The following SPINK9 variants were observed in gnomAD, a reference collection of about 807,000 sequenced individuals.
SPINK9 encodes the protein serine peptidase inhibitor Kazal type 9.
Under a neutral mutation model 10.8 loss-of-function variants are expected in SPINK9, and 3 were observed. The ratio of observed to expected loss-of-function variants is 0.28; its 90% CI spans 0.13 to 0.72. The LOEUF is 0.72. Ranked by LOEUF, SPINK9 falls within the 30% of genes least tolerant of loss-of-function variation. SPINK9 has a pLI of 0.74. For missense variants in SPINK9, 101 were observed against 103.2 expected (o/e 0.98, Z 0.09); for synonymous variants, 30 against 31.2 (o/e 0.96, Z 0.12).
chr5:148,328,415 G>A (rs2113414140), intron 2 of SPINK9, among the ~76,000 whole-genome samples: 1 of 152,268 alleles, frequency 6.6e-6, no homozygotes, highest in Non-Finnish European at 1.5e-5. Flanking sequence ...GAGATGATGG[G>A]ATTTTCTAGA....
chr5:148,329,303 A>G (rs1022835953), intron 2 of SPINK9, among the ~76,000 whole-genome samples: 4 of 152,148 alleles, frequency 2.6e-5, no homozygotes, highest in African/African-American at 4.8e-5. Flanking sequence ...AGAGGTGTTT[A>G]TAGTATTCTC....
At chr5:148,328,932 A>G (rs1239295566) in intron 2 of SPINK9, among the ~76,000 whole-genome samples, 6 of 152,272 alleles carry the variant, frequency 3.9e-5, no homozygotes, top group African/African-American at 1.4e-4. Context: ...TTTTTGCATC[A>G]ATGTTCATCA....
intron 2 of SPINK9, among the ~76,000 whole-genome samples, chr5:148,329,462 G>A (rs140175509): frequency 1.1e-3 from 161 of 152,122 alleles, no homozygotes; most frequent in African/African-American, 3.5e-3. Flanking sequence ...ACCAGCTCCC[G>A]GATTCACTGA....
chr5:148,338,344 AG>A, intron 2 of SPINK9, 133 bp from the exon 3 acceptor site: 1 of 634,280 alleles, frequency 1.6e-6, no homozygotes. Context: ...AATGTCTTGA[AG>A]GGGGTAGATG....
At chr5:148,325,870 G>C (rs1757052888) in intron 2 of SPINK9, among the ~76,000 whole-genome samples, 1 of 151,982 alleles carries the variant, frequency 6.6e-6, no homozygotes, top group African/African-American at 2.4e-5. Flanking sequence ...GATTTTACAT[G>C]TAACTCTCTG....
intron 1 of SPINK9, among the ~76,000 whole-genome samples, chr5:148,322,083 G>T (rs1433761920): frequency 6.6e-6 from 1 of 152,128 alleles, no homozygotes; most frequent in Non-Finnish European, 1.5e-5. Context: ...GGTATTTATA[G>T]AAAACCACAA....
At chr5:148,322,733 G>C (rs1019076719) in intron 1 of SPINK9, among the ~76,000 whole-genome samples, 3 of 152,076 alleles carry the variant, frequency 2.0e-5, no homozygotes, top group Non-Finnish European at 2.9e-5. Flanking sequence ...ACTGGCTCAG[G>C]GTCTAAATAA....
chr5:148,323,433 A>G (rs1209119533), intron 1 of SPINK9, among the ~76,000 whole-genome samples: 1 of 152,208 alleles, frequency 6.6e-6, no homozygotes, highest in African/African-American at 2.4e-5. Context: ...ATCTAAAAAC[A>G]GAAATGGTTC....
In SPINK9 at chr5:148,336,517, A is replaced by G. The variant is rs1368343184; in HGVS notation, c.87+64A>G. 8 of 1,441,724 alleles carry G rather than the reference A, an allele frequency of 5.5e-6. No individual in the cohort carries two copies. In the Admixed American group the frequency reaches 1.4e-4, roughly 26 times the overall value. The allele number at this position is 1,441,724 out of a possible 1,614,324, so 89.3% of individuals were successfully genotyped here. A position where few individuals can be genotyped will look rare whatever the true frequency, so the allele number is the denominator to read the frequency against. On this transcript the variant is annotated intron_variant, in intron 2 of 3. Coordinates refer to ENST00000377906, the MANE Select transcript of SPINK9 (RefSeq NM_001040433.2). Reference sequence around the variant, plus strand: ...CAATATCAGTAAGGAAATATTTGATACTACACAGTAATTAAATTTCTATAT... The same window carrying G: ...CAATATCAGTAAGGAAATATTTGATGCTACACAGTAATTAAATTTCTATAT...
intron 2 of SPINK9, among the ~76,000 whole-genome samples, chr5:148,327,922 T>C (rs935118191): frequency 2.0e-5 from 3 of 152,084 alleles, no homozygotes; most frequent in African/African-American, 7.2e-5. Flanking sequence ...TGTAGTATAG[T>C]TTGAAGTCAG....
chr5:148,335,867 T>C (rs1757211094), intron 1 of SPINK9, among the ~76,000 whole-genome samples, 199 bp downstream of exon 1: 1 of 152,212 alleles, frequency 6.6e-6, no homozygotes, highest in Non-Finnish European at 1.5e-5. Context: ...TCATCTAAAG[T>C]CAAATGCTTA....
chr5:148,324,029 A>T (rs1002328376), intron 2 of SPINK9, among the ~76,000 whole-genome samples: 1 of 152,218 alleles, frequency 6.6e-6, no homozygotes, highest in Non-Finnish European at 1.5e-5. Flanking sequence ...TCCTACAAAA[A>T]TCTAAAGAAA....
In SPINK9 at chr5:148,338,569, C is replaced by T. The variant is rs1473494566; in HGVS notation, c.179C>T (p.Thr60Ile). The change falls in exon 3 of 4, where the codon ACT becomes ATT. Residue 60 changes from threonine to isoleucine, a missense_variant. Coordinates refer to ENST00000377906, the MANE Select transcript of SPINK9 (RefSeq NM_001040433.2). ...CCAATTTGTGGATCTGATGGCAAAACTTATAAAAATGATTGCTTCTTCTGT... is the reference window on the plus strand; with the variant it reads ...CCAATTTGTGGATCTGATGGCAAAATTTATAAAAATGATTGCTTCTTCTGT... The part of the protein sequence containing the change: ...YDPICGSDGK[T>I]YKNDCFFCSK... 8 of 1,599,490 alleles carry T rather than the reference C, an allele frequency of 5.0e-6. No homozygotes were observed. The highest frequency in any genetic ancestry group is 6.8e-6 in the Non-Finnish European group (8 of 1,168,748).
upstream of SPINK9, among the ~76,000 whole-genome samples, chr5:148,331,177 A>T (rs1044501167): frequency 1.3e-5 from 2 of 152,088 alleles, no homozygotes; most frequent in South Asian, 2.1e-4. Context: ...CTTCTGTGTC[A>T]CTCATGCTGG....
At chr5:148,332,557 A>G (rs1171938882), upstream of SPINK9, among the ~76,000 whole-genome samples, 1 of 152,354 alleles carries the variant, frequency 6.6e-6, no homozygotes, top group South Asian at 2.1e-4. Flanking sequence ...GTGGTGCAAA[A>G]GCAGTAGTAC....
chr5:148,338,399 G>A (rs941917219), intron 2 of SPINK9, 79 bp from the exon 3 acceptor site: 3 of 1,397,714 alleles, frequency 2.1e-6, no homozygotes, highest in Non-Finnish European at 2.9e-6. Flanking sequence ...AGAGCCCTCT[G>A]AGCTTGCTTG....
chr5:148,329,326 G>T (rs1757114533), intron 2 of SPINK9, among the ~76,000 whole-genome samples: 2 of 152,142 alleles, frequency 1.3e-5, no homozygotes, highest in African/African-American at 4.8e-5. Context: ...ATGGTAGTTT[G>T]TATTTCTGTG....
chr5:148,334,728 C>A (rs531209537), upstream of SPINK9, among the ~76,000 whole-genome samples: 1 of 151,846 alleles, frequency 6.6e-6, no homozygotes, highest in Non-Finnish European at 1.5e-5. Context: ...AAAAAGAAGA[C>A]GGTCTTTCTC....
chr5:148,327,052 T>A (rs1404617790), intron 2 of SPINK9, among the ~76,000 whole-genome samples: 1 of 152,156 alleles, frequency 6.6e-6, no homozygotes. Flanking sequence ...CTGGGTCAAA[T>A]GGTATTTCTA....
Sources: allele counts gnomAD v4.1 joint callset (sites outside exome capture counted in the v4.1 genomes callset), GRCh38; gene constraint gnomAD v4.1.1; transcripts MANE v1.5; gene names NCBI Gene and HGNC (gene_info 2026-07-23, HGNC 2026-07-21).